The following RAB30 variants were observed in gnomAD, a reference collection of about 807,000 sequenced individuals.
RAB30 encodes RAB30, member RAS oncogene family.
In RAB30, 9 loss-of-function variants were observed where a neutral mutation model predicts 25.1. That is an observed-to-expected ratio of 0.36 (90% CI 0.22 to 0.63). The LOEUF (loss-of-function observed/expected upper bound fraction) is 0.63, where lower values mean the gene tolerates loss of function less well. RAB30 is among the 20% of genes least tolerant of loss of function. The pLI, the probability that RAB30 is intolerant of heterozygous loss-of-function variation, is 0.69. For missense variants in RAB30, 140 were observed against 243.5 expected (o/e 0.58, Z 2.83); for synonymous variants, 77 against 86.4 (o/e 0.89, Z 0.60).
chr11:83,068,979 G>A (rs1858769352), intron 1 of RAB30, among the ~76,000 whole-genome samples: 1 of 152,178 alleles, frequency 6.6e-6, no homozygotes, highest in Non-Finnish European at 1.5e-5. Flanking sequence ...TTTCACTGAT[G>A]TATCCACAGT....
intron 1 of RAB30, among the ~76,000 whole-genome samples, chr11:83,020,497 C>T (rs1857548069): frequency 6.6e-6 from 1 of 152,234 alleles, no homozygotes; most frequent in Admixed American, 6.5e-5. Flanking sequence ...GCACGAGCAG[C>T]CTGTTATGCC....
chr11:83,012,521 C>T (rs1565276184), intron 1 of RAB30, among the ~76,000 whole-genome samples: 1 of 152,096 alleles, frequency 6.6e-6, no homozygotes, highest in South Asian at 2.1e-4. Context: ...TGGGCAAGTT[C>T]CTTGTCCTCT....
At position 82,987,655 on chromosome 11, in the gene RAB30, C is replaced by T. The variant is rs779624249; in HGVS notation, c.293G>A (p.Arg98His). Residue 98 changes from arginine to histidine, a missense_variant, in exon 4 of 5, where the codon CGT becomes CAT. Arg to His is a conservative substitution (Grantham distance 29). Coordinates refer to ENST00000527633, the MANE Select transcript of RAB30 (RefSeq NM_001286060.2). ...CTCCCGCAGCCACTCAGGAAGGCAA[C>T]GGAAGGATTCCTCACAGGTAATGTC... ...TYDITCEESF[R>H]CLPEWLREIE... The T allele has an allele frequency of 2.5e-6, 4 of 1,613,658 alleles. No individual in the cohort carries two copies. The highest frequency in any genetic ancestry group is 1.1e-5 in the South Asian group (1 of 91,064).
intron 1 of RAB30, among the ~76,000 whole-genome samples, chr11:83,002,610 T>C (rs1158853201): frequency 6.6e-6 from 1 of 152,128 alleles, no homozygotes; most frequent in Non-Finnish European, 1.5e-5. Context: ...CTGTAAGCAA[T>C]GTGAATTTGG....
chr11:83,035,181 C>T (rs994419769), intron 1 of RAB30: 2 of 151,762 alleles, frequency 1.3e-5, no homozygotes, highest in Non-Finnish European at 2.9e-5. Context: ...GATTGGAACC[C>T]AGGTCTACCT....
chr11:82,997,433 A>G, intron 1 of RAB30, 109 bp from the exon 2 acceptor site: 1 of 729,896 alleles, frequency 1.4e-6, no homozygotes. Flanking sequence ...TCATTTAAAG[A>G]GCAATTTAAA....
intron 1 of RAB30, among the ~76,000 whole-genome samples, chr11:83,023,161 T>C (rs1857621582): frequency 6.6e-6 from 1 of 152,180 alleles, no homozygotes; most frequent in Non-Finnish European, 1.5e-5. Flanking sequence ...GGTGATAATC[T>C]AGCTTGGGAA....
chr11:83,052,827 C>T (rs1858384033), intron 1 of RAB30, among the ~76,000 whole-genome samples: 2 of 152,178 alleles, frequency 1.3e-5, no homozygotes, highest in South Asian at 4.1e-4. Flanking sequence ...ACCTAGCTGA[C>T]CTCAATCAGC....
intron 1 of RAB30, among the ~76,000 whole-genome samples, chr11:83,036,227 C>T (rs191630591): frequency 1.3e-5 from 2 of 149,738 alleles, no homozygotes; most frequent in South Asian, 2.1e-4. Flanking sequence ...AGTGCAGTGG[C>T]ACGATCTTGG....
intron 1 of RAB30, among the ~76,000 whole-genome samples, chr11:83,041,916 C>T (rs1199336660): frequency 6.6e-6 from 1 of 151,636 alleles, no homozygotes; most frequent in Non-Finnish European, 1.5e-5. Flanking sequence ...GTGGCACATG[C>T]CTGTAATCTC....
At chr11:83,059,627 G>T (rs2084135502) in intron 1 of RAB30, among the ~76,000 whole-genome samples, 1 of 152,172 alleles carries the variant, frequency 6.6e-6, no homozygotes, top group South Asian at 2.1e-4. Flanking sequence ...TCAAAACTGG[G>T]TTTTCATCTG....
chr11:83,016,811 C>A (rs946852529), intron 1 of RAB30, among the ~76,000 whole-genome samples: 2 of 152,186 alleles, frequency 1.3e-5, no homozygotes, highest in African/African-American at 2.4e-5. Flanking sequence ...AAACACACAC[C>A]CCCTTCTCAC....
At chr11:83,039,948 A>C (rs1797008475) in intron 1 of RAB30, among the ~76,000 whole-genome samples, 1 of 152,202 alleles carries the variant, frequency 6.6e-6, no homozygotes, top group Non-Finnish European at 1.5e-5. Context: ...TCTTTTAAAA[A>C]GTTTGGCAGT....
At position 82,982,174 on chromosome 11, in the gene RAB30, A is replaced by G. The variant is rs528327476; in HGVS notation, c.603T>C (p.Asn201=). Residue 201 remains asparagine, a synonymous_variant, in exon 5 of 5, where the codon AAT becomes AAC. Coordinates refer to ENST00000527633, the MANE Select transcript of RAB30 (RefSeq NM_001286060.2). ...CTCCGTGCCTCAGCCTTTAGTTGAA[A>G]TTACAACAAGTCAAATAGCTGATGC... is the stretch of plus-strand genomic sequence containing the variant. ...GKSISYLTCC[N]FN 6.2e-7 allele frequency: 1 copy of G among 1,614,184 alleles called. No homozygotes were observed. The highest frequency in any genetic ancestry group is 1.1e-5 in the South Asian group (1 of 91,068).
Position 82,993,191 on chromosome 11 carries a change from C to T in RAB30, c.177+848G>A, listed in dbSNP as rs749220134. Among the ~76,000 whole-genome samples the T allele has an allele frequency of 3.2e-4, 49 of 152,334 alleles. 1 individual carries two copies. The highest frequency in any genetic ancestry group is 5.8e-4 in the East Asian group (3 of 5,180). On this transcript the variant is annotated intron_variant, in intron 3 of 4. Coordinates refer to ENST00000527633, the MANE Select transcript of RAB30 (RefSeq NM_001286060.2). ...TCCTTTCCTTGCTCCAGGTGATAGG[C>T]CTAGTGTGCCTTTCTTCCCTTCTTC...
intron 1 of RAB30, among the ~76,000 whole-genome samples, chr11:83,057,446 A>T (rs552908999): frequency 1.3e-5 from 2 of 152,306 alleles, no homozygotes; most frequent in African/African-American, 4.8e-5. Flanking sequence ...ACTCTTAGAA[A>T]GCAAAGTTCT....
intron 2 of RAB30, among the ~76,000 whole-genome samples, chr11:82,994,576 G>C (rs1021307720): frequency 6.6e-6 from 1 of 152,196 alleles, no homozygotes; most frequent in Non-Finnish European, 1.5e-5. Flanking sequence ...CTAGTTATCA[G>C]TCTTGAGCAT....
At chr11:83,039,977 A>G (rs1858071314) in intron 1 of RAB30, among the ~76,000 whole-genome samples, 1 of 152,152 alleles carries the variant, frequency 6.6e-6, no homozygotes, top group South Asian at 2.1e-4. Context: ...GGAAAGGGTA[A>G]GAAAAGTAAG....
In RAB30 at chr11:82,979,484, A is replaced by T. The variant is rs577468439; in HGVS notation, c.*2681T>A. 55 of 152,330 alleles carry T rather than the reference A, an allele frequency of 3.6e-4. No individual in the cohort carries two copies. The highest frequency in any genetic ancestry group is 1.2e-3 in the African/African-American group (48 of 41,578). 9.4% of individuals were successfully genotyped at this position (152,330 alleles called of 1,614,324 possible). A position where few individuals can be genotyped will look rare whatever the true frequency, so the allele number is the denominator to read the frequency against. On this transcript the variant is annotated 3_prime_UTR_variant, in exon 5 of 5. Transcript: ENST00000527633. ...GCCATGACAATAAGACTGTTAGGCA[A>T]ACCAATAAATTTAGGTTCTGGCCTG...
Sources: gnomAD v4.1 joint callset for allele counts (sites outside exome capture counted in the v4.1 genomes callset) on GRCh38, gnomAD v4.1.1 for gene constraint, MANE v1.5 for transcripts, NCBI Gene and HGNC (gene_info 2026-07-23, HGNC 2026-07-21) for gene names.